LRP1B: variants seen among roughly 807,000 people sequenced by gnomAD.
LRP1B encodes the protein low-density lipoprotein receptor-related protein 1B.
A neutral mutation model predicts 556.6 loss-of-function variants in LRP1B; 217 were observed. The ratio of observed to expected loss-of-function variants is 0.39; its 90% CI spans 0.35 to 0.44. The LOEUF is 0.44. LRP1B is among the 20% of genes least tolerant of loss of function. The pLI, the probability that LRP1B is intolerant of heterozygous loss-of-function variation, is 1.00. For synonymous variants in LRP1B, 2,047 were observed against 1,865.8 expected (o/e 1.10, Z -2.50); for missense variants, 5,053 against 5,620.8 (o/e 0.90, Z 3.23).
chr2:142,089,278 A>C (rs1706071458), intron 1 of LRP1B, among the ~76,000 whole-genome samples: 1 of 152,196 alleles, frequency 6.6e-6, no homozygotes, highest in Admixed American at 6.5e-5. Context: ...GAACATACAG[A>C]AAATTATAAA....
chr2:141,930,843 C>T (rs1437922397), intron 1 of LRP1B, among the ~76,000 whole-genome samples: 2 of 152,020 alleles, frequency 1.3e-5, no homozygotes, highest in African/African-American at 2.4e-5. Context: ...GATACAGACT[C>T]CAGAATCTCT....
chr2:141,826,311 G>C (rs1696919013), intron 1 of LRP1B, among the ~76,000 whole-genome samples: 1 of 150,148 alleles, frequency 6.7e-6, no homozygotes, highest in Admixed American at 6.6e-5. Flanking sequence ...CATTTAATAA[G>C]GATATGATAG....
chr2:141,018,220 T>C (rs570523236), intron 12 of LRP1B, among the ~76,000 whole-genome samples: 7 of 152,236 alleles, frequency 4.6e-5, no homozygotes, highest in Middle Eastern at 3.4e-3. Flanking sequence ...TTTCAAGGCC[T>C]GTTTGAATGT....
chr2:140,487,915 T>C lies in LRP1B; in HGVS notation c.9121-176A>G, dbSNP rs112635060. Among the ~76,000 whole-genome samples, 783 of 152,060 alleles carry C rather than the reference T, an allele frequency of 5.1e-3. 9 individuals carry two copies. The highest frequency in any genetic ancestry group is 0.016 in the African/African-American group (669 of 41,550). Reference sequence around the variant, plus strand: ...ATCATATATTCACATTTTCCTTACATCGTATGTTTAAAAAATACTATATTA... The same window carrying C: ...ATCATATATTCACATTTTCCTTACACCGTATGTTTAAAAAATACTATATTA... On this transcript the variant is annotated intron_variant, in intron 57 of 90. Transcript: ENST00000389484.
At chr2:140,508,024 T>C (rs1428896631) in intron 52 of LRP1B, among the ~76,000 whole-genome samples, 1 of 152,180 alleles carries the variant, frequency 6.6e-6, no homozygotes, top group Non-Finnish European at 1.5e-5. Context: ...TAAACTCCTA[T>C]TTATATAATA....
At chr2:140,477,725 A>G (rs1688032913) in intron 59 of LRP1B, among the ~76,000 whole-genome samples, 1 of 152,330 alleles carries the variant, frequency 6.6e-6, no homozygotes, top group East Asian at 1.9e-4. Flanking sequence ...GAACCAAGAC[A>G]CCAAGAAGAG....
intron 35 of LRP1B, among the ~76,000 whole-genome samples, chr2:140,740,932 G>A (rs911743261): frequency 6.6e-6 from 1 of 152,046 alleles, no homozygotes; most frequent in Non-Finnish European, 1.5e-5. Flanking sequence ...GTCACATACT[G>A]AGGGGCTAGG....
intron 1 of LRP1B, among the ~76,000 whole-genome samples, chr2:141,817,957 A>G (rs188199060): frequency 1.2e-3 from 184 of 152,320 alleles, no homozygotes; most frequent in African/African-American, 4.2e-3. Context: ...AGGTTTAAAA[A>G]TACTTTTAAA....
At chr2:140,484,709 C>A (rs1030886975) in intron 59 of LRP1B, among the ~76,000 whole-genome samples, 11 of 152,128 alleles carry the variant, frequency 7.2e-5, no homozygotes, top group Non-Finnish European at 1.5e-4. Flanking sequence ...CTTTAGCAAA[C>A]ATACACCAGA....
chr2:141,432,304 A>G (rs1680591057), intron 3 of LRP1B, among the ~76,000 whole-genome samples: 1 of 152,064 alleles, frequency 6.6e-6, no homozygotes, highest in African/African-American at 2.4e-5. Context: ...TGGTCCTGGT[A>G]TATAATCTAT....
In LRP1B at chr2:140,597,862, T is replaced by C. The variant is rs928772684; in HGVS notation, c.7194+769A>G. Among the ~76,000 whole-genome samples the C allele has an allele frequency of 1.3e-5, 2 of 152,230 alleles. 1 individual carries two copies. Among genetic ancestry groups the C allele is most frequent in the South Asian group, 4.2e-4 (2 of 4,818 alleles). On this transcript the variant is annotated intron_variant, in intron 43 of 90. Coordinates refer to ENST00000389484, the MANE Select transcript of LRP1B (RefSeq NM_018557.3). ...ACTATCTGGCCCTTTAAGAAAAAAATTGTGTTACATTCCAGACCTTCTTCA... is the reference window on the plus strand; with the variant it reads ...ACTATCTGGCCCTTTAAGAAAAAAACTGTGTTACATTCCAGACCTTCTTCA...
intron 2 of LRP1B, among the ~76,000 whole-genome samples, chr2:141,523,630 T>C (rs188689887): frequency 1.3e-5 from 2 of 152,230 alleles, no homozygotes; most frequent in African/African-American, 4.8e-5. Flanking sequence ...ATTTCAAAAT[T>C]CCCCTTCCTT....
At chr2:141,840,332 C>T (rs974129605) in intron 1 of LRP1B, among the ~76,000 whole-genome samples, 1 of 137,860 alleles carries the variant, frequency 7.3e-6, no homozygotes, top group African/African-American at 2.8e-5. Context: ...GGCGCCATCT[C>T]GGCTCACTGC....
chr2:142,028,360 C>G (rs748382299), intron 1 of LRP1B, among the ~76,000 whole-genome samples: 19 of 152,068 alleles, frequency 1.2e-4, no homozygotes, highest in South Asian at 4.1e-4. Context: ...ACCTCCAACC[C>G]TTGCAAACAC....
intron 2 of LRP1B, among the ~76,000 whole-genome samples, chr2:141,618,577 AT>A (rs1171910066): frequency 1.3e-5 from 2 of 152,218 alleles, no homozygotes; most frequent in African/African-American, 4.8e-5. Flanking sequence ...ATACGTGGTC[AT>A]TTACATGACC....
chr2:140,616,519 A>G (rs1466875754), intron 41 of LRP1B, among the ~76,000 whole-genome samples: 1 of 151,380 alleles, frequency 6.6e-6, no homozygotes, highest in East Asian at 1.9e-4. Flanking sequence ...CTGGAGTGAA[A>G]AAAAGTCAGT....
chr2:141,811,265 T>G (rs1696345022), intron 1 of LRP1B, among the ~76,000 whole-genome samples: 1 of 152,108 alleles, frequency 6.6e-6, no homozygotes, highest in Admixed American at 6.6e-5. Flanking sequence ...TGGGAATACC[T>G]TAGCCATTAT....
At position 140,774,110 on chromosome 2, in the gene LRP1B, A is replaced by G. The variant is rs183892408; in HGVS notation, c.5500+1988T>C. 3.5e-3 allele frequency among the ~76,000 whole-genome samples: 530 copies of G among 152,242 alleles called. 7 individuals are homozygous for G. The highest frequency in any genetic ancestry group is 0.012 in the African/African-American group (497 of 41,562). On this transcript the variant is annotated intron_variant, in intron 33 of 90. Coordinates refer to ENST00000389484, the MANE Select transcript of LRP1B (RefSeq NM_018557.3). The stretch of plus-strand genomic sequence containing the variant: ...AGGTAGTGATGTTAACACCTTAAAG[A>G]GTCCTAAATTGGTCATATTTCATAC...
intron 35 of LRP1B, among the ~76,000 whole-genome samples, chr2:140,743,338 C>T (rs1039485582): frequency 6.6e-6 from 1 of 152,058 alleles, no homozygotes; most frequent in African/African-American, 2.4e-5. Context: ...CAGATTCATA[C>T]ATTTGACCTT....
Sources: allele counts gnomAD v4.1 joint callset (sites outside exome capture counted in the v4.1 genomes callset), GRCh38; gene constraint gnomAD v4.1.1; transcripts MANE v1.5; gene names NCBI Gene and HGNC (gene_info 2026-07-23, HGNC 2026-07-21).